ADAP2: variants seen among roughly 807,000 people sequenced by gnomAD.
The protein encoded by ADAP2 is ArfGAP with dual PH domains 2, also known as arf-GAP with dual PH domain-containing protein 2.
Under a neutral mutation model 54.9 loss-of-function variants are expected in ADAP2, and 42 were observed. That is an observed-to-expected ratio of 0.77 (90% CI 0.60 to 0.99). The LOEUF (loss-of-function observed/expected upper bound fraction) is 0.99. Ranked by LOEUF, ADAP2 falls within the 50% of genes least tolerant of loss-of-function variation. The pLI, the probability that ADAP2 is intolerant of heterozygous loss-of-function variation, is 0.00. For missense variants in ADAP2, 429 were observed against 480.4 expected (o/e 0.89, Z 1.00); for synonymous variants, 177 against 180.1 (o/e 0.98, Z 0.14).
chr17:30,925,584 C>CT (rs542135553), intron 2 of ADAP2, among the ~76,000 whole-genome samples: 3 of 146,506 alleles, frequency 2.0e-5, no homozygotes, highest in Non-Finnish European at 4.5e-5. Context: ...CTTTTCTTTT[C>CT]TTTTCTTTCT....
chr17:30,939,587 C>T (rs1030910313), intron 5 of ADAP2, among the ~76,000 whole-genome samples: 3 of 151,782 alleles, frequency 2.0e-5, no homozygotes, highest in Admixed American at 6.6e-5. Context: ...TTGGCTAACA[C>T]GGTGAAATCC....
chr17:30,952,429 G>A (rs1268507606), intron 7 of ADAP2, among the ~76,000 whole-genome samples: 1 of 152,180 alleles, frequency 6.6e-6, no homozygotes, highest in Non-Finnish European at 1.5e-5. Context: ...AGACTGGAGT[G>A]CAGTGGCACT....
intron 3 of ADAP2, among the ~76,000 whole-genome samples, chr17:30,931,481 A>C (rs1911478569): frequency 6.6e-6 from 1 of 152,168 alleles, no homozygotes; most frequent in Admixed American, 6.6e-5. Context: ...AGGTAGCTGG[A>C]GCAGGCAGTG....
intron 5 of ADAP2, among the ~76,000 whole-genome samples, chr17:30,937,891 T>C (rs969350754): frequency 6.6e-6 from 1 of 152,164 alleles, no homozygotes; most frequent in Non-Finnish European, 1.5e-5. Flanking sequence ...AGTCATCCAG[T>C]AGAGACATGG....
At chr17:30,936,626 T>TC (rs55894249) in intron 5 of ADAP2, among the ~76,000 whole-genome samples, 152,200 of 152,200 alleles carry the variant, frequency 1, 76,100 homozygotes, top group Non-Finnish European at 1. Context: ...TCAGATCCTT[T>TC]CCCATATTGG....
In ADAP2 at chr17:30,923,056, G is replaced by A. The variant is rs759687818; in HGVS notation, c.211G>A (p.Asp71Asn). 1 of 1,613,866 alleles carries A rather than the reference G, an allele frequency of 6.2e-7. No individual in the cohort carries two copies. Among genetic ancestry groups the A allele is most frequent in the Non-Finnish European group, 8.5e-7 (1 of 1,179,986 alleles). Residue 71 changes from aspartate to asparagine, a missense_variant, in exon 2 of 11, where the codon GAC becomes AAC. By Grantham distance (23) the Asp-to-Asn change is conservative (BLOSUM62 1). Transcript: ENST00000330889. ...VKSVRLDFWD[D>N]SIVEFMIHNG... ...ATCTGTGCGACTTGACTTCTGGGAC[G>A]ACAGTATTGTGGAGGTAGAAAGGCA...
chr17:30,925,548 C>CCTT (rs147908233), intron 2 of ADAP2, among the ~76,000 whole-genome samples: 175 of 149,900 alleles, frequency 1.2e-3, no homozygotes, highest in African/African-American at 3.7e-3. Flanking sequence ...CTTCCTTCTT[C>CCTT]CTTCTTCTTC....
chr17:30,939,272 G>A (rs1055868725), intron 5 of ADAP2, among the ~76,000 whole-genome samples: 1 of 152,046 alleles, frequency 6.6e-6, no homozygotes, highest in Admixed American at 6.6e-5. Flanking sequence ...TCAGTCCTAC[G>A]CCAGTTCAGT....
chr17:30,947,621 G>A (rs1372370173), intron 6 of ADAP2, among the ~76,000 whole-genome samples: 2 of 152,182 alleles, frequency 1.3e-5, no homozygotes, highest in East Asian at 1.9e-4. Flanking sequence ...CCAGAGTGTT[G>A]GGATTACAGG....
chr17:30,934,050 A>C, intron 4 of ADAP2, 135 bp from the exon 5 acceptor site: 1 of 633,090 alleles, frequency 1.6e-6, no homozygotes, highest in Non-Finnish European at 2.8e-6. Flanking sequence ...TGCAGCTGAA[A>C]TAGGGAAGTC....
intron 3 of ADAP2, among the ~76,000 whole-genome samples, chr17:30,928,883 G>A (rs146599708): frequency 9.5e-4 from 144 of 152,296 alleles, no homozygotes; most frequent in African/African-American, 3.3e-3. Context: ...AGTATCTTGT[G>A]TAAATGGGGA....
Position 30,942,155 on chromosome 17 carries a change from C to T in ADAP2, c.511-2752C>T, listed in dbSNP as rs147318197. ...TCTCAACCTCGTGATCCACCTGCCT[C>T]GGCCTCCCAAAGTGCTGGGATAACA... On this transcript the variant is annotated intron_variant, in intron 5 of 10. Transcript: ENST00000330889. Among the ~76,000 whole-genome samples the T allele has an allele frequency of 6.1e-3, 923 of 152,276 alleles. 11 individuals are homozygous for T. Among genetic ancestry groups the T allele is most frequent in the African/African-American group, 0.018 (756 of 41,554 alleles).
chr17:30,943,676 A>G (rs982472300), intron 5 of ADAP2, among the ~76,000 whole-genome samples: 2 of 151,026 alleles, frequency 1.3e-5, no homozygotes, highest in African/African-American at 4.9e-5. Flanking sequence ...GTCAAACCCC[A>G]TCTCTACTAA....
intron 2 of ADAP2, 86 bp downstream of exon 2, chr17:30,923,156 GA>G: frequency 6.7e-7 from 1 of 1,499,176 alleles, no homozygotes; most frequent in Non-Finnish European, 9.2e-7. Context: ...TACAGAGGGG[GA>G]AACTGAGAAC....
chr17:30,954,501 G>A lies in ADAP2; in HGVS notation c.828G>A (p.Arg276=), dbSNP rs756331978. Residue 276 remains arginine, a synonymous_variant, in exon 9 of 11, where the codon AGG becomes AGA. Coordinates refer to ENST00000330889, the MANE Select transcript of ADAP2 (RefSeq NM_018404.3). ...GPKQKEPFKK[R]WFALDCHERR... Reference sequence around the variant, plus strand: ...AGCAGAAAGAACCTTTCAAGAAAAGGTGGTTCGCCCTGGATTGCCATGAGC... The same window carrying A: ...AGCAGAAAGAACCTTTCAAGAAAAGATGGTTCGCCCTGGATTGCCATGAGC... 20 of 1,614,156 alleles carry A rather than the reference G, an allele frequency of 1.2e-5. 1 individual carries two copies. In the South Asian group the frequency reaches 2.2e-4, roughly 18 times the overall value.
chr17:30,924,607 G>T (rs1213962840), intron 2 of ADAP2, among the ~76,000 whole-genome samples: 1 of 152,232 alleles, frequency 6.6e-6, no homozygotes, highest in Admixed American at 6.5e-5. Flanking sequence ...GGGTTTCCAG[G>T]ACTATTGGGG....
intron 3 of ADAP2, among the ~76,000 whole-genome samples, chr17:30,927,239 T>C (rs972028255): frequency 1.3e-5 from 2 of 152,116 alleles, no homozygotes. Flanking sequence ...AGCTTACAGA[T>C]GGTGGCTAAC....
chr17:30,922,012 G>T lies in ADAP2; in HGVS notation c.-3G>T. 1 of 1,276,408 alleles carries T rather than the reference G, an allele frequency of 7.8e-7. No individual in the cohort carries two copies. The highest frequency in any genetic ancestry group is 3.2e-5 in the East Asian group (1 of 31,270). 79.1% of individuals were successfully genotyped at this position (1,276,408 alleles called of 1,614,324 possible). ...GAGCCCCGCTGAGCCCGCCGGGCCG[G>T]CCATGGGCGATCGCGAGCGCAACAA... On this transcript the variant is annotated 5_prime_UTR_variant, in exon 1 of 11. Coordinates refer to ENST00000330889, the MANE Select transcript of ADAP2 (RefSeq NM_018404.3).
At chr17:30,929,501 G>T (rs1667850811) in intron 3 of ADAP2, among the ~76,000 whole-genome samples, 1 of 152,180 alleles carries the variant, frequency 6.6e-6, no homozygotes, top group Non-Finnish European at 1.5e-5. Flanking sequence ...TCCAGCAGCA[G>T]CCCTGCACTT....
Sources: gnomAD v4.1 joint callset for allele counts (sites outside exome capture counted in the v4.1 genomes callset) on GRCh38, gnomAD v4.1.1 for gene constraint, MANE v1.5 for transcripts, NCBI Gene and HGNC (gene_info 2026-07-23, HGNC 2026-07-21) for gene names.